Variants in SPOCK1 observed in about 807,000 individuals in gnomAD.
SPOCK1 encodes testican-1.
SPOCK1 carries 23 observed loss-of-function variants against 55.3 expected under a neutral mutation model. That is an observed-to-expected ratio of 0.42 (90% CI 0.30 to 0.59). SPOCK1 has a LOEUF of 0.59. Ranked by LOEUF, SPOCK1 falls within the 20% of genes least tolerant of loss-of-function variation. The probability of loss-of-function intolerance (pLI) is 0.22; values close to 1 mark genes in which losing one functional copy is unlikely to be tolerated. For missense variants in SPOCK1, 499 were observed against 552.5 expected (o/e 0.90, Z 0.97); for synonymous variants, 226 against 221.0 (o/e 1.02, Z -0.20).
chr5:137,445,537 T>C (rs1259987843), intron 2 of SPOCK1, among the ~76,000 whole-genome samples: 1 of 152,066 alleles, frequency 6.6e-6, no homozygotes, highest in Non-Finnish European at 1.5e-5. Flanking sequence ...ATCATACAAG[T>C]GTAAATGAGG....
chr5:137,361,065 G>C (rs972446899), intron 2 of SPOCK1, among the ~76,000 whole-genome samples: 2 of 152,174 alleles, frequency 1.3e-5, no homozygotes, highest in African/African-American at 4.8e-5. Flanking sequence ...GCCCCATTAA[G>C]GGATTTGTGT....
Position 137,239,465 on chromosome 5 carries a change from C to T in SPOCK1, c.232+27545G>A, listed in dbSNP as rs140394699. 1.3e-3 allele frequency among the ~76,000 whole-genome samples: 193 copies of T among 152,216 alleles called. 4 individuals are homozygous for T. The Middle Eastern group carries it at 0.014, about 11-fold the overall frequency. On this transcript the variant is annotated intron_variant, in intron 3 of 10. Transcript: ENST00000394945. ...TTATAGCAACATATTGAACATGAGA[C>T]GGGAGGTGTGGGAACTCCTGAATGT...
At chr5:137,335,283 C>T (rs1034935891) in intron 2 of SPOCK1, among the ~76,000 whole-genome samples, 11 of 152,110 alleles carry the variant, frequency 7.2e-5, no homozygotes, top group African/African-American at 2.2e-4. Flanking sequence ...CACAGAATAC[C>T]AGGTATTAAA....
At chr5:137,472,377 C>T (rs1206428240) in intron 2 of SPOCK1, among the ~76,000 whole-genome samples, 1 of 134,078 alleles carries the variant, frequency 7.5e-6, no homozygotes, top group Non-Finnish European at 1.6e-5. Context: ...ATTAGGTGTA[C>T]AAAAAAAAAA....
At chr5:137,279,393 G>C (rs1180966419) in intron 2 of SPOCK1, among the ~76,000 whole-genome samples, 7 of 152,200 alleles carry the variant, frequency 4.6e-5, no homozygotes, top group African/African-American at 1.7e-4. Context: ...TTATTCCATA[G>C]AACCAGGGAA....
intron 4 of SPOCK1, among the ~76,000 whole-genome samples, chr5:137,120,804 A>C (rs1423502906): frequency 2.0e-5 from 3 of 152,146 alleles, no homozygotes; most frequent in Non-Finnish European, 4.4e-5. Flanking sequence ...ATGCTGCTGG[A>C]CTCACACCTG....
intron 6 of SPOCK1, among the ~76,000 whole-genome samples, chr5:137,004,963 A>G (rs1344483756): frequency 6.6e-6 from 1 of 152,224 alleles, no homozygotes; most frequent in Non-Finnish European, 1.5e-5. Context: ...TAAGGGAAGG[A>G]AGAAAAGAGC....
In SPOCK1 at chr5:136,992,624, A is replaced by G. The variant is rs1164832049; in HGVS notation, c.590-24T>C. On this transcript the variant is annotated intron_variant, in intron 6 of 10. Coordinates refer to ENST00000394945, the MANE Select transcript of SPOCK1 (RefSeq NM_004598.4). ...GGCTAGAGAAAAGCAAACAGAACAG[A>G]CAATGGGGCTGGGGGCTTTCTGCCT... 5 of 1,587,688 alleles carry G rather than the reference A, an allele frequency of 3.1e-6. No individual in the cohort carries two copies. The Admixed American group carries it at 8.7e-5, about 28-fold the overall frequency.
At chr5:137,284,300 C>T (rs1479022317) in intron 2 of SPOCK1, among the ~76,000 whole-genome samples, 1 of 152,208 alleles carries the variant, frequency 6.6e-6, no homozygotes, top group Non-Finnish European at 1.5e-5. Context: ...CTCTGCTGCA[C>T]CCGACTCAGA....
chr5:137,408,015 T>C (rs1752136792), intron 2 of SPOCK1, among the ~76,000 whole-genome samples: 1 of 148,856 alleles, frequency 6.7e-6, no homozygotes, highest in Non-Finnish European at 1.5e-5. Flanking sequence ...CAGACCAAGC[T>C]CTGCACTACC....
At chr5:137,124,643 C>G (rs767861497) in intron 4 of SPOCK1, among the ~76,000 whole-genome samples, 11 of 152,186 alleles carry the variant, frequency 7.2e-5, no homozygotes, top group Non-Finnish European at 1.3e-4. Context: ...ACACTCAATA[C>G]CTGTCTCTCT....
intron 2 of SPOCK1, among the ~76,000 whole-genome samples, chr5:137,373,864 GC>G (rs1475894344): frequency 1.3e-5 from 2 of 152,174 alleles, no homozygotes; most frequent in African/African-American, 4.8e-5. Context: ...ACTGGTCTGA[GC>G]CCCAAATTCT....
chr5:137,316,789 C>A (rs1444641884), intron 2 of SPOCK1, among the ~76,000 whole-genome samples: 1 of 152,150 alleles, frequency 6.6e-6, no homozygotes, highest in Non-Finnish European at 1.5e-5. Flanking sequence ...TTCTGCAGAT[C>A]AATTAGCCTA....
chr5:137,174,054 G>C (rs185036420), intron 3 of SPOCK1, among the ~76,000 whole-genome samples: 106 of 152,326 alleles, frequency 7.0e-4, no homozygotes, highest in Non-Finnish European at 1.1e-3. Flanking sequence ...AAGCATCTGT[G>C]TCTAACCTAA....
chr5:137,103,441 G>A (rs965166), intron 5 of SPOCK1, among the ~76,000 whole-genome samples: 26,643 of 152,094 alleles, frequency 0.18, 2,524 homozygotes, highest in Non-Finnish European at 0.21. Flanking sequence ...TAGTGGCTTC[G>A]CAATTGTGCC....
intron 3 of SPOCK1, among the ~76,000 whole-genome samples, chr5:137,238,961 T>C (rs1264322138): frequency 1.3e-5 from 2 of 152,234 alleles, no homozygotes; most frequent in Non-Finnish European, 2.9e-5. Context: ...ATGTGAGTGA[T>C]ACATGGGAGA....
chr5:137,032,021 A>G (rs1751790829), intron 6 of SPOCK1, among the ~76,000 whole-genome samples: 1 of 148,060 alleles, frequency 6.8e-6, no homozygotes, highest in Non-Finnish European at 1.5e-5. Flanking sequence ...AGAAATATAT[A>G]TATATTCCCC....
At chr5:137,304,291 C>A (rs1035907350) in intron 2 of SPOCK1, among the ~76,000 whole-genome samples, 4 of 152,084 alleles carry the variant, frequency 2.6e-5, no homozygotes, top group Non-Finnish European at 5.9e-5. Context: ...TTCTGTTTAT[C>A]TCTGCATTCC....
chr5:137,184,349 C>T (rs1755024783), intron 3 of SPOCK1, among the ~76,000 whole-genome samples: 1 of 152,156 alleles, frequency 6.6e-6, no homozygotes, highest in African/African-American at 2.4e-5. Flanking sequence ...ATCCTAGCAT[C>T]CAGCCACAGG....
Sources: gnomAD v4.1 joint callset for allele counts (sites outside exome capture counted in the v4.1 genomes callset) on GRCh38, gnomAD v4.1.1 for gene constraint, MANE v1.5 for transcripts, NCBI Gene and HGNC (gene_info 2026-07-23, HGNC 2026-07-21) for gene names.